The following NRF1 variants were observed in gnomAD, a reference collection of about 807,000 sequenced individuals.
NRF1 encodes the protein alpha palindromic-binding protein.
In NRF1, 5 loss-of-function variants were observed where a neutral mutation model predicts 58.5. That is an observed-to-expected ratio of 0.09 (90% CI 0.04 to 0.18). The LOEUF is 0.18. Ranked by LOEUF, NRF1 falls within the 10% of genes least tolerant of loss-of-function variation. The pLI, the probability that NRF1 is intolerant of heterozygous loss-of-function variation, is 1.00. For synonymous variants in NRF1, 224 were observed against 246.7 expected (o/e 0.91, Z 0.86); for missense variants, 288 against 657.7 (o/e 0.44, Z 6.15).
At chr7:129,699,354 A>G (rs1477824464) in intron 5 of NRF1, among the ~76,000 whole-genome samples, 1 of 152,178 alleles carries the variant, frequency 6.6e-6, no homozygotes, top group Non-Finnish European at 1.5e-5. Flanking sequence ...ACATTATGCT[A>G]AGTGAAATAA....
intron 1 of NRF1, among the ~76,000 whole-genome samples, chr7:129,634,366 C>T (rs1392521160): frequency 1.3e-5 from 2 of 152,054 alleles, no homozygotes. Context: ...TTTCTCTAAC[C>T]CCTGACAACT....
chr7:129,750,634 G>C (rs1011243808), intron 10 of NRF1, among the ~76,000 whole-genome samples: 1 of 152,234 alleles, frequency 6.6e-6, no homozygotes, highest in African/African-American at 2.4e-5. Flanking sequence ...TGCTTCTAAG[G>C]TGTGTGGCTG....
In NRF1 at chr7:129,683,347, AAGAG is replaced by A. The variant is rs1218693795; in HGVS notation, c.465+5595_465+5598del. ...AGAGAGAGAGAGAGAGAGAGAGAGA[AAGAG>A]AGAGACTTGCTCTATTGCCCAGGCT... is the stretch of plus-strand genomic sequence containing the variant. On this transcript the variant is annotated intron_variant, in intron 4 of 10. Coordinates refer to ENST00000393232, the MANE Select transcript of NRF1 (RefSeq NM_005011.5). Among the ~76,000 whole-genome samples, 5 of 104,732 alleles carry A rather than the reference AAGAG, an allele frequency of 4.8e-5. No individual in the cohort carries two copies. In the East Asian group the frequency reaches 1.4e-3, roughly 29 times the overall value. 68.7% of individuals were successfully genotyped at this position (104,732 alleles called of 152,430 possible).
chr7:129,661,582 G>A (rs909019283), intron 2 of NRF1, among the ~76,000 whole-genome samples: 5 of 150,668 alleles, frequency 3.3e-5, no homozygotes, highest in Non-Finnish European at 7.4e-5. Context: ...CTTTGCCGAA[G>A]CATAACAAGA....
At chr7:129,630,617 CTTCT>C (rs1801027021) in intron 1 of NRF1, among the ~76,000 whole-genome samples, 1 of 152,138 alleles carries the variant, frequency 6.6e-6, no homozygotes, top group South Asian at 2.1e-4. Flanking sequence ...ATATGTTGGG[CTTCT>C]TTCTTGTTTT....
At chr7:129,722,616 C>G (rs1426084495) in intron 9 of NRF1, among the ~76,000 whole-genome samples, 1 of 152,130 alleles carries the variant, frequency 6.6e-6, no homozygotes, top group South Asian at 2.1e-4. Flanking sequence ...CCCTGGCATT[C>G]CAGATTGTTT....
At position 129,675,455 on chromosome 7, in the gene NRF1, C is replaced by T. The variant is rs558183687; in HGVS notation, c.339-2177C>T. Among the ~76,000 whole-genome samples, 5 of 152,294 alleles carry T rather than the reference C, an allele frequency of 3.3e-5. No individual in the cohort carries two copies. The East Asian group carries it at 5.8e-4, about 18-fold the overall frequency. The stretch of plus-strand genomic sequence containing the variant: ...GTTTTCAATTTATTTTACCCAGATC[C>T]ATCAGAGGAATCACTATAGCAGCTA... On this transcript the variant is annotated intron_variant, in intron 3 of 10. Coordinates refer to ENST00000393232, the MANE Select transcript of NRF1 (RefSeq NM_005011.5).
At chr7:129,727,598 A>T (rs556077327) in intron 10 of NRF1, among the ~76,000 whole-genome samples, 6 of 152,304 alleles carry the variant, frequency 3.9e-5, no homozygotes, top group Non-Finnish European at 7.3e-5. Flanking sequence ...TTGAATTGTT[A>T]CTTAAAAAGT....
At chr7:129,703,955 AT>A (rs1433232718) in intron 5 of NRF1, among the ~76,000 whole-genome samples, 1 of 152,168 alleles carries the variant, frequency 6.6e-6, no homozygotes, top group African/African-American at 2.4e-5. Context: ...CAAATAAATC[AT>A]CTTTGAAAAG....
intron 1 of NRF1, among the ~76,000 whole-genome samples, chr7:129,618,769 T>G (rs1800707158): frequency 6.6e-6 from 1 of 151,860 alleles, no homozygotes; most frequent in African/African-American, 2.4e-5. Flanking sequence ...TGTTTTGGAG[T>G]TTTTTTTGAC....
intron 10 of NRF1, among the ~76,000 whole-genome samples, chr7:129,733,465 C>A (rs200544462): frequency 2.9e-4 from 42 of 143,530 alleles, no homozygotes; most frequent in Middle Eastern, 3.6e-3. Flanking sequence ...GACTCCGTCT[C>A]AAAAAAAAAA....
chr7:129,664,169 G>C (rs1037758208), intron 2 of NRF1, among the ~76,000 whole-genome samples: 3 of 151,464 alleles, frequency 2.0e-5, no homozygotes, highest in Non-Finnish European at 4.4e-5. Context: ...AGAGGGTAGG[G>C]GAGAGGGAGA....
Position 129,732,874 on chromosome 7 carries a change from C to T in NRF1, c.1348+5509C>T, listed in dbSNP as rs545485671. ...GCCTCAGCCTCCCAAAGTTCCAGAC[C>T]AGCCTGGGCAACATGGTCAAACCCC... On this transcript the variant is annotated intron_variant, in intron 10 of 10. Coordinates refer to ENST00000393232, the MANE Select transcript of NRF1 (RefSeq NM_005011.5). 4.6e-5 allele frequency among the ~76,000 whole-genome samples: 7 copies of T among 152,226 alleles called. No individual in the cohort carries two copies. In the East Asian group the frequency reaches 1.4e-3, roughly 30 times the overall value.
At chr7:129,668,523 TAA>T (rs1357109594) in intron 2 of NRF1, among the ~76,000 whole-genome samples, 1 of 152,222 alleles carries the variant, frequency 6.6e-6, no homozygotes, top group Non-Finnish European at 1.5e-5. Flanking sequence ...TGAACTGTAT[TAA>T]ATTTATAAAT....
At chr7:129,698,246 A>G (rs1425340731) in intron 5 of NRF1, among the ~76,000 whole-genome samples, 1 of 143,170 alleles carries the variant, frequency 7.0e-6, no homozygotes, top group Admixed American at 7.6e-5. Context: ...TTACCTGGAA[A>G]GTTTCTGTTT....
intron 2 of NRF1, among the ~76,000 whole-genome samples, chr7:129,665,333 C>T (rs1338374274): frequency 6.6e-6 from 1 of 152,164 alleles, no homozygotes. Context: ...GGGTTGGAAT[C>T]CCAACTCCAC....
chr7:129,691,368 T>A (rs1261454147), intron 5 of NRF1, among the ~76,000 whole-genome samples: 3 of 147,816 alleles, frequency 2.0e-5, no homozygotes, highest in Non-Finnish European at 3.0e-5. Flanking sequence ...ATTATTATTT[T>A]TTTTTTTTTT....
intron 6 of NRF1, among the ~76,000 whole-genome samples, chr7:129,709,875 C>A (rs1055804039): frequency 1.3e-5 from 2 of 151,838 alleles, no homozygotes; most frequent in African/African-American, 4.8e-5. Flanking sequence ...GGATTACAGG[C>A]ATGCACCACC....
intron 5 of NRF1, among the ~76,000 whole-genome samples, chr7:129,694,672 G>A (rs114713683): frequency 1.4e-3 from 208 of 152,152 alleles, no homozygotes; most frequent in African/African-American, 4.8e-3. Context: ...CCAGCCAATA[G>A]CTCTCTTTTA....
Sources: gnomAD v4.1 joint callset for allele counts (sites outside exome capture counted in the v4.1 genomes callset) on GRCh38, gnomAD v4.1.1 for gene constraint, MANE v1.5 for transcripts, NCBI Gene and HGNC (gene_info 2026-07-23, HGNC 2026-07-21) for gene names.